The following MSRA variants were observed in gnomAD, a reference collection of about 807,000 sequenced individuals.
The protein encoded by MSRA is methionine sulfoxide reductase A, also known as mitochondrial peptide methionine sulfoxide reductase.
In MSRA, 54 loss-of-function variants were observed where a neutral mutation model predicts 31.3. That is an observed-to-expected ratio of 1.73 (90% CI 1.39 to 2.17). The LOEUF is 2.17. Ranked by LOEUF, MSRA falls within the 30% of genes most tolerant of loss-of-function variation. The pLI, the probability that MSRA is intolerant of heterozygous loss-of-function variation, is 0.00. For synonymous variants in MSRA, 169 were observed against 116.5 expected, an observed-to-expected ratio of 1.45 and a Z score of -2.90; for missense variants, 507 against 300.9, an observed-to-expected ratio of 1.69 and a Z score of -5.07.
chr8:10,278,292 G>A (rs1475918939), intron 3 of MSRA, among the ~76,000 whole-genome samples: 8 of 152,154 alleles, frequency 5.3e-5, no homozygotes. Context: ...AACACAAGAG[G>A]CAGCATACTT....
chr8:10,324,029 C>T (rs770286892), intron 5 of MSRA, among the ~76,000 whole-genome samples: 10 of 152,192 alleles, frequency 6.6e-5, no homozygotes, highest in Admixed American at 5.9e-4. Context: ...TCAGTGTTTT[C>T]GTACCAGCTA....
chr8:10,220,619 T>C (rs1810403734), intron 2 of MSRA, among the ~76,000 whole-genome samples: 1 of 152,340 alleles, frequency 6.6e-6, no homozygotes, highest in Admixed American at 6.5e-5. Flanking sequence ...TGATGACCCT[T>C]TTCCAGTTTC....
At chr8:10,193,620 G>C (rs903408295) in intron 1 of MSRA, among the ~76,000 whole-genome samples, 4 of 152,208 alleles carry the variant, frequency 2.6e-5, no homozygotes, top group African/African-American at 4.8e-5. Context: ...CCTGAGTTAA[G>C]ATGTTCTATT....
intron 3 of MSRA, among the ~76,000 whole-genome samples, chr8:10,285,006 C>T (rs971587771): frequency 8.1e-5 from 11 of 135,626 alleles, no homozygotes; most frequent in African/African-American, 3.1e-4. Flanking sequence ...TCATGACTTC[C>T]TCCCCAATCT....
At chr8:10,412,983 A>C (rs1563452872) in intron 5 of MSRA, among the ~76,000 whole-genome samples, 1 of 152,220 alleles carries the variant, frequency 6.6e-6, no homozygotes, top group Non-Finnish European at 1.5e-5. Context: ...CTAGATTTTT[A>C]CCTACGAGAA....
At chr8:10,266,917 C>G (rs932824163) in intron 3 of MSRA, among the ~76,000 whole-genome samples, 3 of 152,110 alleles carry the variant, frequency 2.0e-5, no homozygotes, top group Admixed American at 6.5e-5. Flanking sequence ...CAATAAACCC[C>G]TAAAGTACAT....
chr8:10,353,626 A>T (rs747853408), intron 5 of MSRA: 1 of 456,242 alleles, frequency 2.2e-6, no homozygotes. Flanking sequence ...GTACCCAAGC[A>T]TGTTCACTGG....
At chr8:10,325,503 A>G (rs892266582) in intron 5 of MSRA, among the ~76,000 whole-genome samples, 1 of 152,162 alleles carries the variant, frequency 6.6e-6, no homozygotes, top group African/African-American at 2.4e-5. Flanking sequence ...GTAGATGTGT[A>G]TCTCTCTATG....
At chr8:10,102,180 C>T (rs1376481901) in intron 1 of MSRA, among the ~76,000 whole-genome samples, 1 of 152,100 alleles carries the variant, frequency 6.6e-6, no homozygotes, top group East Asian at 1.9e-4. Flanking sequence ...ATGTCTTTTG[C>T]TAAATTGGGA....
At chr8:10,179,680 G>C (rs1183806465) in intron 1 of MSRA, among the ~76,000 whole-genome samples, 1 of 152,212 alleles carries the variant, frequency 6.6e-6, no homozygotes, top group African/African-American at 2.4e-5. Flanking sequence ...GAGTTAAACA[G>C]ACCTGGGTTT....
chr8:10,188,904 A>T (rs1050706343), intron 1 of MSRA, among the ~76,000 whole-genome samples: 1 of 152,226 alleles, frequency 6.6e-6, no homozygotes, highest in Non-Finnish European at 1.5e-5. Context: ...AATGTCTACA[A>T]AAACCTTTCT....
chr8:10,337,778 G>A, intron 5 of MSRA: 1 of 702,604 alleles, frequency 1.4e-6, no homozygotes, highest in Non-Finnish European at 2.6e-6. Flanking sequence ...ACTCGCCTGG[G>A]TGCAGCCATC....
chr8:10,426,155 C>G (rs1322146000), intron 5 of MSRA, among the ~76,000 whole-genome samples: 1 of 152,196 alleles, frequency 6.6e-6, no homozygotes. Flanking sequence ...ATTGCTAACT[C>G]TAAATCTACC....
At chr8:10,153,775 C>A (rs1049724502) in intron 1 of MSRA, among the ~76,000 whole-genome samples, 2 of 152,138 alleles carry the variant, frequency 1.3e-5, no homozygotes, top group Non-Finnish European at 2.9e-5. Context: ...GGAAGCCGTG[C>A]AACAGCTTCA....
rs760451620 is a variant in MSRA, at chr8:10,054,479, G to A, written c.-38G>A. The A allele has an allele frequency of 1.9e-6, 3 of 1,540,296 alleles. No individual in the cohort carries two copies. The highest frequency in any genetic ancestry group is 2.6e-6 in the Non-Finnish European group (3 of 1,143,482). On this transcript the variant is annotated 5_prime_UTR_variant, in exon 1 of 6. Coordinates refer to ENST00000317173, the MANE Select transcript of MSRA (RefSeq NM_012331.5). ...CGGCTGCGGCTCCGCTGCCGGTAGC[G>A]CCGTCCCCCGGGACCACCCTTCGGC... is the stretch of plus-strand genomic sequence containing the variant.
intron 5 of MSRA, among the ~76,000 whole-genome samples, chr8:10,400,506 C>G (rs1217384560): frequency 3.9e-5 from 6 of 152,054 alleles, no homozygotes; most frequent in Non-Finnish European, 5.9e-5. Flanking sequence ...ACAGGTATGA[C>G]AAAGGACAAA....
chr8:10,063,522 A>G (rs2628137), intron 1 of MSRA, among the ~76,000 whole-genome samples: 32,719 of 151,966 alleles, frequency 0.22, 3,730 homozygotes, highest in Admixed American at 0.3. Context: ...CTGAATGCCT[A>G]TGTGCCCCTA....
intron 1 of MSRA, among the ~76,000 whole-genome samples, chr8:10,082,408 G>C (rs1013285161): frequency 2.0e-5 from 3 of 152,082 alleles, no homozygotes; most frequent in African/African-American, 7.2e-5. Flanking sequence ...GCTTCTCCCT[G>C]CTTGAGGGCG....
intron 3 of MSRA, among the ~76,000 whole-genome samples, chr8:10,289,597 G>T (rs1488032564): frequency 6.6e-6 from 1 of 152,186 alleles, no homozygotes; most frequent in African/African-American, 2.4e-5. Context: ...CTATCAAATG[G>T]TATGGAGTGC....
Sources: gnomAD v4.1 joint callset for allele counts (sites outside exome capture counted in the v4.1 genomes callset) on GRCh38, gnomAD v4.1.1 for gene constraint, MANE v1.5 for transcripts, NCBI Gene and HGNC (gene_info 2026-07-23, HGNC 2026-07-21) for gene names.